GRIK4: variants seen among roughly 807,000 people sequenced by gnomAD.
The protein encoded by GRIK4 is glutamate receptor ionotropic, kainate 4.
GRIK4 carries 40 observed loss-of-function variants against 104.9 expected under a neutral mutation model. The ratio of observed to expected loss-of-function variants is 0.38; its 90% CI spans 0.30 to 0.50. The LOEUF (loss-of-function observed/expected upper bound fraction) is 0.50, where lower values mean the gene tolerates loss of function less well. GRIK4 is among the 20% of genes least tolerant of loss of function. The pLI, the probability that GRIK4 is intolerant of heterozygous loss-of-function variation, is 0.93. For synonymous variants in GRIK4, 485 were observed against 524.9 expected, an observed-to-expected ratio of 0.92 and a Z score of 1.04; for missense variants, 1,047 against 1,308.1, an observed-to-expected ratio of 0.80 and a Z score of 3.08.
chr11:120,519,697 G>C (rs1027044322), intron 1 of GRIK4, among the ~76,000 whole-genome samples: 1 of 152,140 alleles, frequency 6.6e-6, no homozygotes, highest in Non-Finnish European at 1.5e-5. Context: ...AAGTCCCATA[G>C]CTGGTAAGAA....
At chr11:120,813,550 T>G (rs978058568) in intron 4 of GRIK4, among the ~76,000 whole-genome samples, 5 of 152,158 alleles carry the variant, frequency 3.3e-5, no homozygotes, top group African/African-American at 1.2e-4. Context: ...TTTGGGATGT[T>G]GTGGGATGCC....
At chr11:120,765,894 G>C (rs1951829860) in intron 3 of GRIK4, among the ~76,000 whole-genome samples, 1 of 152,200 alleles carries the variant, frequency 6.6e-6, no homozygotes, top group South Asian at 2.1e-4. Flanking sequence ...GTCGACCCCT[G>C]CTGGGAGGTG....
At chr11:120,688,573 T>C (rs961758608) in intron 3 of GRIK4, among the ~76,000 whole-genome samples, 4 of 152,218 alleles carry the variant, frequency 2.6e-5, no homozygotes, top group African/African-American at 9.6e-5. Flanking sequence ...GAGGCCTCGA[T>C]ACTTCATCAG....
At chr11:120,615,251 C>T (rs768636488) in intron 1 of GRIK4, among the ~76,000 whole-genome samples, 1 of 152,170 alleles carries the variant, frequency 6.6e-6, no homozygotes, top group Non-Finnish European at 1.5e-5. Flanking sequence ...AACCTAGTAC[C>T]ATACCATCTT....
chr11:120,949,615 G>A (rs998221606), intron 14 of GRIK4, among the ~76,000 whole-genome samples: 9 of 152,194 alleles, frequency 5.9e-5, no homozygotes, highest in Admixed American at 3.9e-4. Flanking sequence ...CTCTAAGGGG[G>A]TGTGTAGGTT....
At chr11:120,984,772 A>AAAAACC (rs1944710593) in intron 20 of GRIK4, among the ~76,000 whole-genome samples, 1 of 145,784 alleles carries the variant, frequency 6.9e-6, no homozygotes, top group Admixed American at 6.9e-5. Flanking sequence ...CTTGTCTAAA[A>AAAAACC]AAAACCAAAA....
At chr11:120,744,746 T>C (rs764251010) in intron 3 of GRIK4, among the ~76,000 whole-genome samples, 1 of 152,180 alleles carries the variant, frequency 6.6e-6, no homozygotes, top group Non-Finnish European at 1.5e-5. Flanking sequence ...CAGTTCTATG[T>C]AGAATATTAA....
At chr11:120,568,595 C>G (rs1948360135) in intron 1 of GRIK4, among the ~76,000 whole-genome samples, 1 of 152,132 alleles carries the variant, frequency 6.6e-6, no homozygotes, top group Non-Finnish European at 1.5e-5. Context: ...ACCATGTCAG[C>G]CAGGCTGGTC....
At chr11:120,735,173 C>T (rs2852231) in intron 3 of GRIK4, among the ~76,000 whole-genome samples, 113,983 of 152,062 alleles carry the variant, frequency 0.75, 43,095 homozygotes, top group Middle Eastern at 0.85. Flanking sequence ...AGGTGTTTAT[C>T]GTAGTCTTCA....
At chr11:120,924,618 G>A (rs1461533517) in intron 13 of GRIK4, among the ~76,000 whole-genome samples, 2 of 152,010 alleles carry the variant, frequency 1.3e-5, no homozygotes, top group Non-Finnish European at 2.9e-5. Context: ...CCTTTCGTCT[G>A]CCCAAAGGTA....
At chr11:120,982,754 A>G (rs145213699) in intron 20 of GRIK4, among the ~76,000 whole-genome samples, 1 of 152,288 alleles carries the variant, frequency 6.6e-6, no homozygotes, top group East Asian at 1.9e-4. Context: ...GATTTTTTTT[A>G]AAAGTTACAT....
At chr11:120,597,734 C>T (rs1294645545) in intron 1 of GRIK4, among the ~76,000 whole-genome samples, 2 of 152,082 alleles carry the variant, frequency 1.3e-5, no homozygotes, top group Non-Finnish European at 1.5e-5. Context: ...GTGCAGCATT[C>T]GAATTTTTCT....
At chr11:120,933,918 G>A (rs776568388) in intron 13 of GRIK4, among the ~76,000 whole-genome samples, 29 of 152,090 alleles carry the variant, frequency 1.9e-4, no homozygotes, top group Admixed American at 3.3e-4. Context: ...GCTGCAAGAG[G>A]TCATAGCCAG....
At chr11:120,626,608 A>C (rs1949262604) in intron 1 of GRIK4, among the ~76,000 whole-genome samples, 1 of 152,022 alleles carries the variant, frequency 6.6e-6, no homozygotes, top group African/African-American at 2.4e-5. Context: ...TCTCAAGCTC[A>C]CCTTGATCCG....
intron 11 of GRIK4, among the ~76,000 whole-genome samples, chr11:120,878,595 T>A (rs1007962948): frequency 2.1e-5 from 3 of 145,524 alleles, no homozygotes; most frequent in Non-Finnish European, 4.5e-5. Context: ...TGGATGGTGA[T>A]CATTCTCTTT....
At position 120,643,683 on chromosome 11, in the gene GRIK4, G is replaced by A. The variant is rs149821664; in HGVS notation, c.-158-10002G>A. 4.2e-3 allele frequency among the ~76,000 whole-genome samples: 634 copies of A among 152,248 alleles called. 9 individuals carry two copies. The highest frequency in any genetic ancestry group is 0.014 in the African/African-American group (586 of 41,544). On this transcript the variant is annotated intron_variant, in intron 1 of 20. Transcript: ENST00000527524. ...GTGATCCTTGGCAAATTACTTAACC[G>A]CTCTGAGTTTCCGGCTCTTCATCTT...
chr11:120,785,998 C>T (rs986611237), intron 3 of GRIK4, among the ~76,000 whole-genome samples: 1 of 152,200 alleles, frequency 6.6e-6, no homozygotes, highest in Non-Finnish European at 1.5e-5. Context: ...GCTGCATTTC[C>T]CTTGCTCCCC....
intron 3 of GRIK4, among the ~76,000 whole-genome samples, chr11:120,797,636 C>T (rs756292643): frequency 1.8e-4 from 27 of 152,144 alleles, no homozygotes; most frequent in African/African-American, 5.6e-4. Context: ...TGGTTGAGGC[C>T]GTTTCCAGCC....
intron 3 of GRIK4, among the ~76,000 whole-genome samples, chr11:120,732,796 A>C (rs1485763868): frequency 1.3e-5 from 2 of 152,250 alleles, no homozygotes; most frequent in South Asian, 2.1e-4. Context: ...TGCTGAGAAG[A>C]AGAATGTGTA....
Sources: allele counts gnomAD v4.1 joint callset (sites outside exome capture counted in the v4.1 genomes callset), GRCh38; gene constraint gnomAD v4.1.1; transcripts MANE v1.5; gene names NCBI Gene and HGNC (gene_info 2026-07-23, HGNC 2026-07-21).